DPP6: variants seen among roughly 807,000 people sequenced by gnomAD.
The protein encoded by DPP6 is A-type potassium channel modulatory protein DPP6.
DPP6 carries 69 observed loss-of-function variants against 122.6 expected under a neutral mutation model. The ratio of observed to expected loss-of-function variants is 0.56; its 90% CI spans 0.46 to 0.69. The LOEUF is 0.69. Ranked by LOEUF, DPP6 falls within the 30% of genes least tolerant of loss-of-function variation. DPP6 has a pLI of 0.00. For synonymous variants in DPP6, 418 were observed against 433.1 expected (o/e 0.97, Z 0.43); for missense variants, 928 against 1,116.9 (o/e 0.83, Z 2.41).
chr7:154,883,388 TCACACA>T (rs138312012), intron 21 of DPP6, among the ~76,000 whole-genome samples: 2 of 105,110 alleles, frequency 1.9e-5, no homozygotes, highest in East Asian at 6.0e-4. Flanking sequence ...ATACACCTGC[TCACACA>T]CACACACATG....
chr7:153,842,507 C>T, the DPP6 span, among the ~76,000 whole-genome samples: 2 of 151,622 alleles, frequency 1.3e-5, no homozygotes, highest in African/African-American at 4.8e-5. Flanking sequence ...TTTATGGCTT[C>T]TGCCTGTTTA....
chr7:154,060,608 C>A (rs867974140), intron 1 of DPP6, among the ~76,000 whole-genome samples: 5,449 of 141,570 alleles, frequency 0.038, 145 homozygotes, highest in Middle Eastern at 0.061. Flanking sequence ...CCTCTTCCCC[C>A]CCCTGGCTCT....
chr7:154,834,360 C>T (rs183140455), intron 16 of DPP6, among the ~76,000 whole-genome samples: 6 of 150,850 alleles, frequency 4.0e-5, no homozygotes, highest in Non-Finnish European at 7.4e-5. Flanking sequence ...CCTGTAATCC[C>T]AGCTACTCAG....
At chr7:153,996,174 A>G (rs1271276605) in intron 1 of DPP6, among the ~76,000 whole-genome samples, 2 of 152,180 alleles carry the variant, frequency 1.3e-5, no homozygotes, top group African/African-American at 4.8e-5. Context: ...CACTGTGATG[A>G]CACATCCTGA....
chr7:153,918,600 C>CTG (rs1800483587), intron 1 of DPP6, among the ~76,000 whole-genome samples: 1 of 103,892 alleles, frequency 9.6e-6, no homozygotes, highest in Non-Finnish European at 2.1e-5. Context: ...CTCTCTCTCT[C>CTG]TCTCTCTCTC....
At chr7:154,200,630 C>T (rs779810593) in intron 1 of DPP6, among the ~76,000 whole-genome samples, 8 of 152,186 alleles carry the variant, frequency 5.3e-5, no homozygotes, top group Non-Finnish European at 8.8e-5. Context: ...TGATTTCTGT[C>T]TCGTGAGGAC....
intron 16 of DPP6, among the ~76,000 whole-genome samples, chr7:154,847,202 G>A (rs761056658): frequency 6.6e-5 from 10 of 152,074 alleles, no homozygotes; most frequent in Non-Finnish European, 1.5e-4. Context: ...CCCCCAACAC[G>A]GCTTCACCCT....
chr7:153,938,599 G>C (rs1358194626), intron 1 of DPP6, among the ~76,000 whole-genome samples: 1 of 152,202 alleles, frequency 6.6e-6, no homozygotes, highest in Non-Finnish European at 1.5e-5. Flanking sequence ...ACATGCATGT[G>C]AGTGCTTTGC....
chr7:154,615,534 C>T (rs985327119), intron 5 of DPP6, among the ~76,000 whole-genome samples: 7 of 152,150 alleles, frequency 4.6e-5, no homozygotes, highest in African/African-American at 9.7e-5. Flanking sequence ...TTTAACCATC[C>T]GTAAGTAAGT....
At chr7:154,779,015 C>CATCATCACCTCCA (rs376330223) in intron 10 of DPP6, among the ~76,000 whole-genome samples, 1 of 2,822 alleles carries the variant, frequency 3.5e-4, no homozygotes, top group Admixed American at 4.7e-3. Context: ...CCACCAGCAC[C>CATCATCACCTCCA]CCACCATCAC....
intron 3 of DPP6, among the ~76,000 whole-genome samples, chr7:154,480,261 T>A (rs1182848368): frequency 1.3e-5 from 2 of 152,170 alleles, no homozygotes; most frequent in Non-Finnish European, 2.9e-5. Flanking sequence ...GGCTTCCCTG[T>A]TCCCCTTTGC....
At chr7:154,864,504 A>ACTG (rs1358998663) in intron 17 of DPP6, among the ~76,000 whole-genome samples, 4 of 152,194 alleles carry the variant, frequency 2.6e-5, no homozygotes, top group African/African-American at 9.6e-5. Flanking sequence ...TGTGCTCCAG[A>ACTG]CTGGAGGTCC....
At chr7:154,208,850 C>G (rs576067898) in intron 1 of DPP6, among the ~76,000 whole-genome samples, 22 of 152,020 alleles carry the variant, frequency 1.4e-4, no homozygotes, top group Non-Finnish European at 3.1e-4. Flanking sequence ...ACTCTGCCTC[C>G]TAAATCAGAA....
chr7:153,918,178 A>G (rs371356694), intron 1 of DPP6, among the ~76,000 whole-genome samples: 6 of 152,192 alleles, frequency 3.9e-5, no homozygotes, highest in African/African-American at 1.4e-4. Flanking sequence ...GTCATAAATG[A>G]TGGCGTCTTA....
intron 1 of DPP6, among the ~76,000 whole-genome samples, chr7:154,028,240 G>A (rs566996223): frequency 2.6e-5 from 4 of 152,122 alleles, no homozygotes; most frequent in South Asian, 4.2e-4. Context: ...CAATTCCCCC[G>A]AATACACCCT....
chr7:154,323,555 T>G (rs1808162018), intron 1 of DPP6, among the ~76,000 whole-genome samples: 1 of 152,202 alleles, frequency 6.6e-6, no homozygotes, highest in Non-Finnish European at 1.5e-5. Flanking sequence ...CTGCTTTTGG[T>G]CCCCTAACCA....
chr7:154,647,872 TAAAG>T (rs2130975347), intron 6 of DPP6, among the ~76,000 whole-genome samples: 1 of 152,184 alleles, frequency 6.6e-6, no homozygotes, highest in South Asian at 2.1e-4. Context: ...TTACAGATGT[TAAAG>T]AGAAAGGCCC....
intron 1 of DPP6, among the ~76,000 whole-genome samples, chr7:154,394,745 T>C (rs1320746867): frequency 2.0e-5 from 3 of 152,206 alleles, no homozygotes; most frequent in Non-Finnish European, 2.9e-5. Context: ...AGGTCTTTGA[T>C]CCATTTTGAG....
intron 4 of DPP6, among the ~76,000 whole-genome samples, chr7:154,558,670 C>T (rs1586625719): frequency 6.6e-6 from 1 of 152,192 alleles, no homozygotes; most frequent in Admixed American, 6.5e-5. Flanking sequence ...AGCCTTGGAG[C>T]AATAGGCTAT....
Sources: gnomAD v4.1 joint callset for allele counts (sites outside exome capture counted in the v4.1 genomes callset) on GRCh38, gnomAD v4.1.1 for gene constraint, MANE v1.5 for transcripts, NCBI Gene and HGNC (gene_info 2026-07-23, HGNC 2026-07-21) for gene names.